Variants in PPM1L observed in about 807,000 individuals in gnomAD.
The protein encoded by PPM1L is protein phosphatase, Mg2+/Mn2+ dependent 1L.
PPM1L carries 13 observed loss-of-function variants against 31.4 expected under a neutral mutation model. The ratio of observed to expected loss-of-function variants is 0.41; its 90% CI spans 0.27 to 0.66. PPM1L has a LOEUF of 0.66. PPM1L is among the 30% of genes least tolerant of loss of function. PPM1L has a pLI of 0.29. For missense variants in PPM1L, 326 were observed against 453.7 expected, an observed-to-expected ratio of 0.72 and a Z score of 2.56; for synonymous variants, 184 against 175.4, an observed-to-expected ratio of 1.05 and a Z score of -0.39.
intron 2 of PPM1L, among the ~76,000 whole-genome samples, chr3:160,998,800 G>T (rs1320428709): frequency 6.6e-6 from 1 of 152,148 alleles, no homozygotes; most frequent in African/African-American, 2.4e-5. Context: ...TGTGGAAAAT[G>T]ATATGATCCT....
At chr3:161,003,090 T>C (rs1314167658) in intron 2 of PPM1L, among the ~76,000 whole-genome samples, 8 of 151,408 alleles carry the variant, frequency 5.3e-5, no homozygotes, top group Admixed American at 3.3e-4. Context: ...ATTTATTAAA[T>C]AGGGAATCCT....
At chr3:160,832,115 AT>A (rs1276527253) in intron 1 of PPM1L, among the ~76,000 whole-genome samples, 3 of 152,196 alleles carry the variant, frequency 2.0e-5, no homozygotes, top group Non-Finnish European at 4.4e-5. Flanking sequence ...GTATGTGTTC[AT>A]TTTATTCAGG....
intron 1 of PPM1L, among the ~76,000 whole-genome samples, chr3:160,898,625 A>G (rs909689795): frequency 3.3e-5 from 5 of 152,224 alleles, no homozygotes; most frequent in Admixed American, 1.3e-4. Flanking sequence ...CACCAAGTCG[A>G]TAACTTGCCG....
chr3:161,029,521 A>G (rs1718501659), intron 2 of PPM1L, among the ~76,000 whole-genome samples: 1 of 152,254 alleles, frequency 6.6e-6, no homozygotes, highest in Non-Finnish European at 1.5e-5. Flanking sequence ...ATATGTAGGC[A>G]GGATATTTTT....
chr3:160,818,540 G>A (rs370407945), intron 1 of PPM1L, among the ~76,000 whole-genome samples: 3 of 151,974 alleles, frequency 2.0e-5, no homozygotes, highest in Admixed American at 6.6e-5. Flanking sequence ...AGACGATAGG[G>A]TTTAAAACTT....
Position 160,875,596 on chromosome 3 carries a change from A to T in PPM1L, c.400-86140A>T, listed in dbSNP as rs562287853. Among the ~76,000 whole-genome samples the T allele has an allele frequency of 8.5e-4, 129 of 152,368 alleles. 1 individual carries two copies. Among genetic ancestry groups the T allele is most frequent in the African/African-American group, 2.9e-3 (121 of 41,580 alleles). On this transcript the variant is annotated intron_variant, in intron 1 of 3. Transcript: ENST00000498165. ...GAGAGCTTTAGAAATTAAATAAAAT[A>T]GCTAGAAGTTATTGAGGATTTACTA... is the stretch of plus-strand genomic sequence containing the variant.
At chr3:160,944,717 A>G (rs1333740687) in intron 1 of PPM1L, among the ~76,000 whole-genome samples, 1 of 126,070 alleles carries the variant, frequency 7.9e-6, no homozygotes, top group African/African-American at 2.7e-5. Context: ...TATAATATAT[A>G]TGTTATATAT....
At chr3:160,999,563 T>C (rs1040440744) in intron 2 of PPM1L, among the ~76,000 whole-genome samples, 4 of 152,236 alleles carry the variant, frequency 2.6e-5, no homozygotes, top group African/African-American at 9.6e-5. Flanking sequence ...TGGTTTCTGC[T>C]GCCACACTCT....
chr3:161,050,629 AGT>A (rs1719243176), intron 2 of PPM1L, among the ~76,000 whole-genome samples: 1 of 152,122 alleles, frequency 6.6e-6, no homozygotes, highest in Non-Finnish European at 1.5e-5. Flanking sequence ...TTTTATAAGA[AGT>A]GTTTTATTTT....
intron 1 of PPM1L, among the ~76,000 whole-genome samples, chr3:160,797,906 A>G (rs1024984678): frequency 6.6e-6 from 1 of 152,342 alleles, no homozygotes. Context: ...TGGGCCGGGC[A>G]CAGTGGCTCA....
rs1720125963 is a variant in PPM1L, at chr3:161,077,068, G to A, written c.*7911G>A. ...CTCAGGCGCCATCACTGCCTTCTTG[G>A]GGCTTACACCCTATTGGGGTGTCAG... On this transcript the variant is annotated 3_prime_UTR_variant, in exon 4 of 4. Coordinates refer to ENST00000498165, the MANE Select transcript of PPM1L (RefSeq NM_139245.4). 1 of 152,138 alleles carries A rather than the reference G, an allele frequency of 6.6e-6. No individual in the cohort carries two copies. 9.4% of individuals were successfully genotyped at this position (152,138 alleles called of 1,614,324 possible). A position where few individuals can be genotyped will look rare whatever the true frequency, so the allele number is the denominator to read the frequency against.
intron 1 of PPM1L, among the ~76,000 whole-genome samples, chr3:160,937,532 A>G (rs1052117779): frequency 1.1e-4 from 16 of 152,138 alleles, no homozygotes; most frequent in African/African-American, 3.6e-4. Context: ...AGGCAGGAGA[A>G]TGGCATGAAC....
chr3:160,980,705 A>AG (rs1716764462), intron 2 of PPM1L, among the ~76,000 whole-genome samples: 3 of 47,470 alleles, frequency 6.3e-5, no homozygotes, highest in Non-Finnish European at 9.6e-5. Context: ...AGAAAGAGAG[A>AG]GAAAAAAAAA....
chr3:160,876,903 T>C (rs545049695), intron 1 of PPM1L, among the ~76,000 whole-genome samples: 4 of 152,228 alleles, frequency 2.6e-5, no homozygotes, highest in Non-Finnish European at 5.9e-5. Context: ...TTGCTATTTT[T>C]ATATCCTTTG....
chr3:160,934,098 AT>A (rs754759874), intron 1 of PPM1L, among the ~76,000 whole-genome samples: 93 of 152,360 alleles, frequency 6.1e-4, no homozygotes, highest in Non-Finnish European at 9.8e-4. Context: ...AGATATGAAA[AT>A]AAGAAATCTG....
chr3:160,941,888 A>G (rs909681117), intron 1 of PPM1L, among the ~76,000 whole-genome samples: 6 of 152,200 alleles, frequency 3.9e-5, no homozygotes, highest in Non-Finnish European at 7.3e-5. Context: ...TAAACATTTG[A>G]TAAATGTTAA....
chr3:161,014,712 C>G (rs183691694), intron 2 of PPM1L, among the ~76,000 whole-genome samples: 1 of 152,074 alleles, frequency 6.6e-6, no homozygotes, highest in South Asian at 2.1e-4. Flanking sequence ...CCTCATGATC[C>G]GCCTGTCTGG....
At chr3:160,865,663 T>C (rs1285186552) in intron 1 of PPM1L, among the ~76,000 whole-genome samples, 1 of 152,160 alleles carries the variant, frequency 6.6e-6, no homozygotes. Context: ...TAGTCCCAGC[T>C]ACTTGGGAGG....
chr3:160,879,886 G>A (rs1269936786), intron 1 of PPM1L, among the ~76,000 whole-genome samples: 2 of 152,150 alleles, frequency 1.3e-5, no homozygotes, highest in South Asian at 2.1e-4. Flanking sequence ...GCTCCTGTAG[G>A]AGACCAGAGA....
Sources: allele counts gnomAD v4.1 joint callset (sites outside exome capture counted in the v4.1 genomes callset), GRCh38; gene constraint gnomAD v4.1.1; transcripts MANE v1.5; gene names NCBI Gene and HGNC (gene_info 2026-07-23, HGNC 2026-07-21).